RBFOX3: variants seen among roughly 807,000 people sequenced by gnomAD.
The protein encoded by RBFOX3 is RNA binding protein fox-1 homolog 3.
RBFOX3 carries 17 observed loss-of-function variants against 48.7 expected under a neutral mutation model. That is an observed-to-expected ratio of 0.35 (90% CI 0.24 to 0.52). The LOEUF (loss-of-function observed/expected upper bound fraction) is 0.52. Among genes scored for constraint, RBFOX3 ranks in the 20% least tolerant of loss-of-function variants. The pLI is 0.94. For synonymous variants in RBFOX3, 212 were observed against 209.5 expected (o/e 1.01, Z -0.10); for missense variants, 382 against 497.5 (o/e 0.77, Z 2.21).
At chr17:79,525,940 T>C (rs2086735859) in intron 1 of RBFOX3, among the ~76,000 whole-genome samples, 1 of 152,212 alleles carries the variant, frequency 6.6e-6, no homozygotes, top group African/African-American at 2.4e-5. Flanking sequence ...TAGGACGAGC[T>C]GGCTGTGGAG....
the RBFOX3 span, among the ~76,000 whole-genome samples, chr17:79,632,585 C>T: frequency 1.3e-5 from 2 of 152,082 alleles, no homozygotes; most frequent in Non-Finnish European, 2.9e-5. Context: ...CAGTGCTCTT[C>T]CCTGGCATGC....
At chr17:79,395,843 TG>T (rs2061927706) in intron 2 of RBFOX3, among the ~76,000 whole-genome samples, 1 of 152,212 alleles carries the variant, frequency 6.6e-6, no homozygotes, top group Admixed American at 6.5e-5. Context: ...GATCCCCTCC[TG>T]GCTGTGGGAG....
chr17:79,201,603 C>T (rs2146841889), intron 4 of RBFOX3, among the ~76,000 whole-genome samples: 1 of 152,306 alleles, frequency 6.6e-6, no homozygotes, highest in Admixed American at 6.5e-5. Context: ...TTCACGATCT[C>T]TCTTCTCTCT....
At chr17:79,303,851 C>CTGTGTG (rs34981785) in intron 3 of RBFOX3, among the ~76,000 whole-genome samples, 7,631 of 147,804 alleles carry the variant, frequency 0.052, 297 homozygotes, top group East Asian at 0.18. Context: ...GCATGTCTGC[C>CTGTGTG]TGTGTGTGTG....
rs1365523235 is a variant in RBFOX3 at position 79,311,817 on chromosome 17, G to A, written c.-174-3993C>T. Among the ~76,000 whole-genome samples, 1 of 152,094 alleles carries A rather than the reference G, an allele frequency of 6.6e-6. No individual in the cohort carries two copies. Among genetic ancestry groups the A allele is most frequent in the Non-Finnish European group, 1.5e-5 (1 of 68,022 alleles). On this transcript the variant is annotated intron_variant, in intron 2 of 14. Coordinates refer to ENST00000693108, the MANE Select transcript of RBFOX3 (RefSeq NM_001350451.2). The surrounding 1 kb of genome is among the most constrained non-coding windows in gnomAD (Gnocchi z 4.2). ...GATGGCAGAAACGGGGAACAGGAAG[G>A]AGGCAGCCCAAAGCCTCATGTCTGC...
rs1469880523 is a variant in RBFOX3, at chr17:79,329,053, G to A, written c.-174-21229C>T. On this transcript the variant is annotated intron_variant, in intron 2 of 14. Coordinates refer to ENST00000693108, the MANE Select transcript of RBFOX3 (RefSeq NM_001350451.2). ...AAGAAAGGACCCACGTGGCCAGGAG[G>A]GACAGGGAGGAGGCTGGATACAGAA... Among the ~76,000 whole-genome samples, 7 of 152,184 alleles carry A rather than the reference G, an allele frequency of 4.6e-5. 1 individual carries two copies. In the South Asian group the frequency reaches 1.0e-3, roughly 23 times the overall value.
intron 4 of RBFOX3, among the ~76,000 whole-genome samples, chr17:79,168,227 C>T (rs1298636697): frequency 1.3e-5 from 2 of 152,170 alleles, no homozygotes; most frequent in Non-Finnish European, 2.9e-5. Context: ...GTGCGGCTTG[C>T]CATGGGTGGG....
chr17:79,283,190 G>A (rs1033655858), intron 3 of RBFOX3, among the ~76,000 whole-genome samples: 4 of 151,928 alleles, frequency 2.6e-5, no homozygotes, highest in African/African-American at 4.8e-5. Context: ...TCGTGGTTTC[G>A]TGTTCATAGC....
At position 79,090,807 on chromosome 17, in the gene RBFOX3, GT is replaced by G. The variant is rs199919139; in HGVS notation, c.*75del. ...TGCTTGGATCTTAACATCTTTTTTT[GT>G]TTTTTTTGTTTTGTGATTTTTTTTG... is the stretch of plus-strand genomic sequence containing the variant. On this transcript the variant is annotated 3_prime_UTR_variant, in exon 15 of 15. Transcript: ENST00000693108. The G allele has an allele frequency of 6.6e-4, 932 of 1,409,634 alleles. 7 individuals are homozygous for G. In the African/African-American group the frequency reaches 0.012, roughly 18 times the overall value. 87.3% of individuals were successfully genotyped at this position (1,409,634 alleles called of 1,614,324 possible).
At chr17:79,397,563 A>G (rs1202210617) in intron 2 of RBFOX3, among the ~76,000 whole-genome samples, 1 of 150,892 alleles carries the variant, frequency 6.6e-6, no homozygotes, top group Non-Finnish European at 1.5e-5. Context: ...CTCCTCGCAT[A>G]CCTCATTTCC....
rs2077468289 is a variant in RBFOX3, at chr17:79,106,838, C to T, written c.223-50G>A. ...GAGGCTGCCTCTGTGTGCGGGGTTGCCCATCCCCTCTGCTAAAGGGTCGGC... is the reference window on the plus strand; with the variant it reads ...GAGGCTGCCTCTGTGTGCGGGGTTGTCCATCCCCTCTGCTAAAGGGTCGGC... On this transcript the variant is annotated intron_variant, in intron 5 of 14. Transcript: ENST00000693108. The T allele has an allele frequency of 3.4e-6, 5 of 1,471,982 alleles. No individual in the cohort carries two copies. In the South Asian group the frequency reaches 5.5e-5, roughly 16 times the overall value. 91.2% of individuals were successfully genotyped at this position (1,471,982 alleles called of 1,614,324 possible).
Position 79,392,272 on chromosome 17 carries a change from C to G in RBFOX3, c.-174-84448G>C, listed in dbSNP as rs112986724. On this transcript the variant is annotated intron_variant, in intron 2 of 14. Coordinates refer to ENST00000693108, the MANE Select transcript of RBFOX3 (RefSeq NM_001350451.2). This position sits in a 1 kb window ranked among gnomAD's most constrained non-coding sequence, Gnocchi z 5.0. ...TCCAAACTCACACAGCAGAGAGAGG[C>G]AGCTCAGCACACGGACCTTGCAGCC... is the stretch of plus-strand genomic sequence containing the variant. Among the ~76,000 whole-genome samples the G allele has an allele frequency of 8.9e-3, 1,355 of 152,306 alleles. 2 individuals are homozygous for G. The highest frequency in any genetic ancestry group is 0.02 in the Middle Eastern group (6 of 294).
intron 1 of RBFOX3, among the ~76,000 whole-genome samples, chr17:79,538,450 G>A (rs1278925003): frequency 3.9e-5 from 6 of 152,226 alleles, no homozygotes; most frequent in African/African-American, 1.2e-4. Context: ...TTGGCCTTGC[G>A]GGAGGCAGGG....
intron 3 of RBFOX3, among the ~76,000 whole-genome samples, chr17:79,245,917 C>T (rs746000859): frequency 1.3e-5 from 2 of 152,080 alleles, no homozygotes; most frequent in Admixed American, 6.5e-5. Flanking sequence ...TGAGCCACCA[C>T]GCCCAGCAGA....
chr17:79,467,189 G>T (rs886296297), intron 2 of RBFOX3, among the ~76,000 whole-genome samples: 2 of 152,106 alleles, frequency 1.3e-5, no homozygotes, highest in Admixed American at 1.3e-4. Context: ...TGCTGCAGAC[G>T]GGGGGTCCTA....
chr17:79,638,742 G>A, the RBFOX3 span, among the ~76,000 whole-genome samples: 1 of 152,118 alleles, frequency 6.6e-6, no homozygotes. Flanking sequence ...GTGAAAGCTG[G>A]TTGTTATAAA....
Position 79,518,488 on chromosome 17 carries a change from T to C in RBFOX3, c.-319-35890A>G, listed in dbSNP as rs1373368987. ...AAAGTGCCTTGTACACGAGTTTCCCTGGGCTTGCTTAGGTGTCTCCAAAGC... is the reference window on the plus strand; with the variant it reads ...AAAGTGCCTTGTACACGAGTTTCCCCGGGCTTGCTTAGGTGTCTCCAAAGC... On this transcript the variant is annotated intron_variant, in intron 1 of 14. Coordinates refer to ENST00000693108, the MANE Select transcript of RBFOX3 (RefSeq NM_001350451.2). Among the ~76,000 whole-genome samples, 3 of 152,378 alleles carry C rather than the reference T, an allele frequency of 2.0e-5. No homozygotes were observed. In the East Asian group the frequency reaches 5.8e-4, roughly 29 times the overall value.
chr17:79,645,795 A>G, the RBFOX3 span, among the ~76,000 whole-genome samples: 1 of 152,132 alleles, frequency 6.6e-6, no homozygotes, highest in Non-Finnish European at 1.5e-5. Flanking sequence ...CCCTCACCTG[A>G]CAGAAGAGGA....
chr17:79,292,301 C>T (rs1467552209), intron 3 of RBFOX3, among the ~76,000 whole-genome samples: 1 of 151,920 alleles, frequency 6.6e-6, no homozygotes, highest in Non-Finnish European at 1.5e-5. Flanking sequence ...TCACAGACCC[C>T]ACGAGTGTCA....
Sources: allele counts gnomAD v4.1 joint callset (sites outside exome capture counted in the v4.1 genomes callset), GRCh38; gene constraint gnomAD v4.1.1; non-coding constraint Gnocchi (gnomAD v3.1); transcripts MANE v1.5; gene names NCBI Gene and HGNC (gene_info 2026-07-23, HGNC 2026-07-21).